PRDM14: variants seen among roughly 807,000 people sequenced by gnomAD.
PRDM14 encodes PR/SET domain 14.
A neutral mutation model predicts 48.0 loss-of-function variants in PRDM14; 16 were observed. That is an observed-to-expected ratio of 0.33 (90% CI 0.23 to 0.51). The LOEUF (loss-of-function observed/expected upper bound fraction) is 0.51, where lower values mean the gene tolerates loss of function less well. Ranked by LOEUF, PRDM14 falls within the 20% of genes least tolerant of loss-of-function variation. The pLI is 0.97. For synonymous variants in PRDM14, 264 were observed against 276.6 expected (o/e 0.95, Z 0.45); for missense variants, 566 against 719.6 (o/e 0.79, Z 2.44).
intron 4 of PRDM14, 76 bp from the exon 5 acceptor site, chr8:70,066,581 T>TG: frequency 1.7e-6 from 2 of 1,174,928 alleles, no homozygotes; most frequent in Non-Finnish European, 2.4e-6. Flanking sequence ...TTTTAATACT[T>TG]GTAACCTAAA....
intron 7 of PRDM14, among the ~76,000 whole-genome samples, chr8:70,053,561 C>T (rs1266215159): frequency 6.6e-6 from 1 of 151,966 alleles, no homozygotes; most frequent in African/African-American, 2.4e-5. Context: ...GCTAATTTTT[C>T]TATTTTTAGT....
At chr8:70,058,542 G>T (rs916743008) in intron 6 of PRDM14, 98 bp downstream of exon 6, 4 of 1,025,588 alleles carry the variant, frequency 3.9e-6, no homozygotes, top group Non-Finnish European at 6.0e-6. Flanking sequence ...AGGCATCACA[G>T]CCCTGCAGCT....
intron 1 of PRDM14, among the ~76,000 whole-genome samples, 172 bp from the exon 2 acceptor site, chr8:70,070,056 A>C (rs1431461557): frequency 6.6e-6 from 1 of 152,116 alleles, no homozygotes; most frequent in Non-Finnish European, 1.5e-5. Flanking sequence ...AAAACGAAAA[A>C]ACAGCAATAG....
rs143659068 is a variant in PRDM14 at position 70,059,761 on chromosome 8, C to T, written c.1184-919G>A. Among the ~76,000 whole-genome samples the T allele has an allele frequency of 5.7e-3, 871 of 152,256 alleles. 5 individuals carry two copies. The highest frequency in any genetic ancestry group is 0.02 in the African/African-American group (817 of 41,554). ...ACTAATTCATCCTTTGACTCAAAAA[C>T]ATCTAACCGTAATCTTTAGAAGATG... is the stretch of plus-strand genomic sequence containing the variant. On this transcript the variant is annotated intron_variant, in intron 5 of 7. Coordinates refer to ENST00000276594, the MANE Select transcript of PRDM14 (RefSeq NM_024504.4).
chr8:70,068,030 C>A (rs1366953278), intron 4 of PRDM14, among the ~76,000 whole-genome samples, 200 bp downstream of exon 4: 1 of 152,190 alleles, frequency 6.6e-6, no homozygotes, highest in Non-Finnish European at 1.5e-5. Flanking sequence ...CCACAAAACA[C>A]AGAATTCATG....
chr8:70,071,162 C>T lies in PRDM14; in HGVS notation c.-37G>A, dbSNP rs1805760152. On this transcript the variant is annotated 5_prime_UTR_variant, in exon 1 of 8. Coordinates refer to ENST00000276594, the MANE Select transcript of PRDM14 (RefSeq NM_024504.4). This position sits in a 1 kb window ranked among gnomAD's most constrained non-coding sequence, Gnocchi z 5.2. ...GTCCCGTGCCTACCTCCGACACCAC[C>T]TCCAAGAGCGCCACCGCGGAGCGGG... is the stretch of plus-strand genomic sequence containing the variant. 1 of 152,304 alleles carries T rather than the reference C, an allele frequency of 6.6e-6. No individual in the cohort carries two copies. The highest frequency in any genetic ancestry group is 2.4e-5 in the African/African-American group (1 of 41,468). The allele number at this position is 152,304 out of a possible 1,614,324, so 9.4% of individuals were successfully genotyped here. A position where few individuals can be genotyped will look rare whatever the true frequency, so the allele number is the denominator to read the frequency against.
In PRDM14 at chr8:70,066,263, C is replaced by T. The variant is rs769530782; in HGVS notation, c.1155G>A (p.Pro385=). The change falls in exon 5 of 8, where the codon CCG becomes CCA. Residue 385 remains proline, a synonymous_variant. Transcript: ENST00000276594. The part of the protein sequence containing the change: ...DIPVSLQVTE[P]GKQPSGPSEE... The stretch of plus-strand genomic sequence containing the variant: ...CAGAGGGCCCAGATGGCTGCTTCCC[C>T]GGCTCTGTGACCTGAAGGCTCACAG... 13 of 1,613,832 alleles carry T rather than the reference C, an allele frequency of 8.1e-6. No homozygotes were observed. Among genetic ancestry groups the T allele is most frequent in the Admixed American group, 6.7e-5 (4 of 59,998 alleles).
At chr8:70,053,606 T>C (rs1266206853) in intron 7 of PRDM14, among the ~76,000 whole-genome samples, 3 of 152,096 alleles carry the variant, frequency 2.0e-5, no homozygotes, top group African/African-American at 7.2e-5. Flanking sequence ...CCAGGCTGGT[T>C]TCAAACTCCT....
In PRDM14 at chr8:70,052,121, G is replaced by T; in HGVS notation, c.1672C>A (p.Gln558Lys). ...CSICGKIFSD[Q>K]ETFYSHMKFH... is the part of the protein sequence containing the mutation. ...TTCATGTGGGAGTAGAATGTTTCTT[G>T]ATCTGAGAAGATTTTCCCACAGATG... is the stretch of plus-strand genomic sequence containing the variant. The change falls in exon 8 of 8, where the codon CAA (glutamine) becomes AAA (lysine). Residue 558 changes from glutamine to lysine, a missense_variant. Gln to Lys is a moderately conservative substitution (Grantham distance 53). Transcript: ENST00000276594. 1 of 1,612,424 alleles carries T rather than the reference G, an allele frequency of 6.2e-7. No individual in the cohort carries two copies. Among genetic ancestry groups the T allele is most frequent in the Non-Finnish European group, 8.5e-7 (1 of 1,179,672 alleles).
At chr8:70,055,274 A>G (rs550557842) in intron 7 of PRDM14, 26 bp downstream of exon 7, 1 of 1,310,656 alleles carries the variant, frequency 7.6e-7, no homozygotes, top group African/African-American at 1.5e-5. Context: ...CTCAGGACAC[A>G]TCCCTTAGTA....
chr8:70,070,405 G>A (rs1805746893), intron 1 of PRDM14, among the ~76,000 whole-genome samples: 1 of 152,156 alleles, frequency 6.6e-6, no homozygotes, highest in Admixed American at 6.5e-5. Context: ...GCCCTCGGCT[G>A]GGAGGGAAGA....
intron 7 of PRDM14, among the ~76,000 whole-genome samples, chr8:70,054,387 C>T (rs1296511504): frequency 6.6e-6 from 1 of 152,176 alleles, no homozygotes; most frequent in Non-Finnish European, 1.5e-5. Flanking sequence ...AGACTATTCT[C>T]CCCAGTTTAT....
intron 6 of PRDM14, among the ~76,000 whole-genome samples, chr8:70,056,728 G>A (rs1805478209): frequency 1.3e-5 from 2 of 149,136 alleles, no homozygotes; most frequent in Non-Finnish European, 1.5e-5. Flanking sequence ...CTGAGGTTGG[G>A]TGATTGTTTG....
intron 7 of PRDM14, among the ~76,000 whole-genome samples, chr8:70,054,380 C>T (rs1805436788): frequency 6.6e-6 from 1 of 152,166 alleles, no homozygotes; most frequent in Non-Finnish European, 1.5e-5. Flanking sequence ...TTGGTAAAGA[C>T]TATTCTCCCC....
At position 70,071,153 on chromosome 8, in the gene PRDM14, C is replaced by A. The variant is rs10216606; in HGVS notation, c.-28G>T. 2.0e-5 allele frequency: 3 copies of A among 152,246 alleles called. No individual in the cohort carries two copies. Among genetic ancestry groups the A allele is most frequent in the African/African-American group, 7.2e-5 (3 of 41,466 alleles). The allele number at this position is 152,246 out of a possible 1,614,324, so 9.4% of individuals were successfully genotyped here. On this transcript the variant is annotated 5_prime_UTR_variant, in exon 1 of 8. Transcript: ENST00000276594. The surrounding 1 kb of genome is among the most constrained non-coding windows in gnomAD (Gnocchi z 5.2). ...GCGCGTCCTGTCCCGTGCCTACCTC[C>A]GACACCACCTCCAAGAGCGCCACCG...
intron 1 of PRDM14, among the ~76,000 whole-genome samples, chr8:70,070,584 C>T (rs1805750110): frequency 6.6e-6 from 1 of 152,200 alleles, no homozygotes; most frequent in Admixed American, 6.5e-5. Context: ...CCCTAGGATG[C>T]GCCGCCTGAA....
At position 70,052,108 on chromosome 8, in the gene PRDM14, T is replaced by C. The variant is rs1382737804; in HGVS notation, c.1685A>G (p.Tyr562Cys). 2 of 1,610,508 alleles carry C rather than the reference T, an allele frequency of 1.2e-6. No individual in the cohort carries two copies. Among genetic ancestry groups the C allele is most frequent in the Non-Finnish European group, 1.7e-6 (2 of 1,178,616 alleles). The change falls in exon 8 of 8, where the codon TAC (tyrosine) becomes TGC (cysteine). Residue 562 changes from tyrosine (Y) to cysteine (C), a missense_variant. This residue lies in a region of PRDM14 where 30 missense variants were observed against 23.4 expected (regional missense o/e 1.28). Coordinates refer to ENST00000276594, the MANE Select transcript of PRDM14 (RefSeq NM_024504.4). Reference sequence around the variant, plus strand: ...GTCTTCATGAAACTTCATGTGGGAGTAGAATGTTTCTTGATCTGAGAAGAT... The same window carrying C: ...GTCTTCATGAAACTTCATGTGGGAGCAGAATGTTTCTTGATCTGAGAAGAT... The part of the protein sequence containing the change: ...GKIFSDQETF[Y>C]SHMKFHEDY
intron 1 of PRDM14, among the ~76,000 whole-genome samples, chr8:70,070,104 G>A (rs1247799923): frequency 6.6e-6 from 1 of 152,148 alleles, no homozygotes; most frequent in African/African-American, 2.4e-5. Context: ...AAATCTGCCG[G>A]GATCCTGCCC....
At chr8:70,069,963 T>C in intron 1 of PRDM14, 79 bp from the exon 2 acceptor site, 1 of 800,130 alleles carries the variant, frequency 1.2e-6, no homozygotes, top group Non-Finnish European at 1.9e-6. Context: ...ACCAGCCTCC[T>C]CCACCCCAGC....
Sources: allele counts gnomAD v4.1 joint callset (sites outside exome capture counted in the v4.1 genomes callset), GRCh38; gene constraint gnomAD v4.1.1; regional missense constraint gnomAD v4.1.1; non-coding constraint Gnocchi (gnomAD v3.1); transcripts MANE v1.5; gene names NCBI Gene and HGNC (gene_info 2026-07-23, HGNC 2026-07-21).